NSD3: variants seen among roughly 807,000 people sequenced by gnomAD.
The protein encoded by NSD3 is histone-lysine N-methyltransferase NSD3.
A neutral mutation model predicts 160.8 loss-of-function variants in NSD3; 24 were observed. The ratio of observed to expected loss-of-function variants is 0.15; its 90% confidence interval spans 0.11 to 0.21. NSD3 has a LOEUF of 0.21. Among genes scored for constraint, NSD3 ranks in the 10% least tolerant of loss-of-function variants. The pLI is 1.00. For synonymous variants in NSD3, 520 were observed against 600.0 expected, an observed-to-expected ratio of 0.87 and a Z score of 1.95; for missense variants, 1,157 against 1,735.9, an observed-to-expected ratio of 0.67 and a Z score of 5.93.
chr8:38,322,321 A>G (rs913146044), intron 7 of NSD3, among the ~76,000 whole-genome samples: 3 of 152,158 alleles, frequency 2.0e-5, no homozygotes, highest in African/African-American at 7.2e-5. Flanking sequence ...ATTTATAGTA[A>G]TCACAAATAA....
At chr8:38,330,695 T>C (rs1261950391) in intron 5 of NSD3, among the ~76,000 whole-genome samples, 1 of 152,228 alleles carries the variant, frequency 6.6e-6, no homozygotes, top group East Asian at 1.9e-4. Flanking sequence ...CAAAATTCTG[T>C]GATAAAATTT....
intron 1 of NSD3, among the ~76,000 whole-genome samples, chr8:38,366,418 CTTT>C (rs374656504): frequency 4.5e-5 from 6 of 132,122 alleles, no homozygotes; most frequent in Admixed American, 1.6e-4. Context: ...CTACTTAATT[CTTT>C]TTTTTTTTTT....
rs542244422 is a variant in NSD3 at position 38,338,996 on chromosome 8, C to A, written c.676-389G>T. ...CTCTACTAAAAATTAAAAAAATAGC[C>A]GGGCATGGTGGCGCATGCCTGTAGT... On this transcript the variant is annotated intron_variant, in intron 2 of 23. Transcript: ENST00000317025. Among the ~76,000 whole-genome samples, 10 of 151,836 alleles carry A rather than the reference C, an allele frequency of 6.6e-5. 1 individual carries two copies. Among genetic ancestry groups the A allele is most frequent in the African/African-American group, 2.4e-4 (10 of 41,300 alleles).
chr8:38,335,033 G>C (rs1046820069), intron 4 of NSD3, among the ~76,000 whole-genome samples: 1 of 144,982 alleles, frequency 6.9e-6, no homozygotes, highest in African/African-American at 2.6e-5. Context: ...CACCCAGACT[G>C]GAGTGAAGTG....
chr8:38,307,325 C>T (rs1809433045), intron 12 of NSD3, among the ~76,000 whole-genome samples: 1 of 151,816 alleles, frequency 6.6e-6, no homozygotes, highest in African/African-American at 2.4e-5. Context: ...ATTGGGACTA[C>T]AGTGATAATA....
At chr8:38,362,163 A>T (rs2150390851) in intron 1 of NSD3, among the ~76,000 whole-genome samples, 1 of 149,530 alleles carries the variant, frequency 6.7e-6, no homozygotes, top group African/African-American at 2.5e-5. Flanking sequence ...ACATGAAACT[A>T]GTTCATCCTT....
chr8:38,304,273 A>T (rs993533846), intron 14 of NSD3, among the ~76,000 whole-genome samples: 2 of 152,262 alleles, frequency 1.3e-5, no homozygotes, highest in African/African-American at 4.8e-5. Flanking sequence ...AGTTGTTTGC[A>T]GAAGGGAAAA....
At chr8:38,299,700 G>T in intron 14 of NSD3, 110 bp from the exon 15 acceptor site, 1 of 1,110,852 alleles carries the variant, frequency 9.0e-7, no homozygotes, top group Non-Finnish European at 1.2e-6. Flanking sequence ...GGGTGGGGAG[G>T]GCGAAAATGA....
Position 38,379,129 on chromosome 8 carries a change from A to G in NSD3, c.-45+2670T>C, listed in dbSNP as rs1811476169. On this transcript the variant is annotated intron_variant, in intron 1 of 23. Coordinates refer to ENST00000317025, the MANE Select transcript of NSD3 (RefSeq NM_023034.2). ...AAAAAAGAAAAAAAAAAGCCAACAC[A>G]GGTAACAGGTGGGCTGATGGACATA... is the stretch of plus-strand genomic sequence containing the variant. Among the ~76,000 whole-genome samples the G allele has an allele frequency of 2.0e-5, 3 of 151,946 alleles. No individual in the cohort carries two copies. In the South Asian group the frequency reaches 6.2e-4, roughly 32 times the overall value.
At chr8:38,331,003 C>T (rs1309860585) in intron 5 of NSD3, among the ~76,000 whole-genome samples, 1 of 152,100 alleles carries the variant, frequency 6.6e-6, no homozygotes, top group Non-Finnish European at 1.5e-5. Flanking sequence ...TAAAAGCATA[C>T]CTGTTTCACA....
chr8:38,353,050 C>T (rs997189025), intron 1 of NSD3, among the ~76,000 whole-genome samples: 7 of 152,172 alleles, frequency 4.6e-5, no homozygotes, highest in Non-Finnish European at 1.0e-4. Context: ...CAACAACATT[C>T]ATGTAGCTAT....
intron 4 of NSD3, among the ~76,000 whole-genome samples, chr8:38,334,951 T>G (rs1810176040): frequency 6.6e-6 from 1 of 151,424 alleles, no homozygotes; most frequent in African/African-American, 2.4e-5. Context: ...AGCACTAAAG[T>G]AGGAAACTGC....
chr8:38,281,513 G>C lies in NSD3; in HGVS notation c.3572C>G (p.Ala1191Gly). ...AAAATTAGTTACACTGTTCTCGTGGGCTCGCTTGATTCGCAATCTGCATTC... is the reference window on the plus strand; with the variant it reads ...AAAATTAGTTACACTGTTCTCGTGGCCTCGCTTGATTCGCAATCTGCATTC... ...EEECRLRIKR[A>G]HENSVTNFYM... Residue 1191 changes from alanine to glycine, a missense_variant, in exon 20 of 24, where the codon GCC becomes GGC. Physicochemically the swap from Ala to Gly is moderately conservative, Grantham distance 60. Transcript: ENST00000317025. The C allele has an allele frequency of 1.2e-6, 2 of 1,603,150 alleles. No homozygotes were observed. Among genetic ancestry groups the C allele is most frequent in the Non-Finnish European group, 1.7e-6 (2 of 1,174,380 alleles).
At chr8:38,299,901 G>T (rs938040094) in intron 14 of NSD3, 8 of 222,100 alleles carry the variant, frequency 3.6e-5, no homozygotes, top group African/African-American at 6.8e-5. Context: ...AAGCTACACT[G>T]CTTCGTATTT....
At chr8:38,377,594 C>T (rs905948305) in intron 1 of NSD3, among the ~76,000 whole-genome samples, 2 of 152,162 alleles carry the variant, frequency 1.3e-5, no homozygotes, top group Admixed American at 1.3e-4. Context: ...AGCAATCCGC[C>T]CGCCTCAGCC....
At chr8:38,291,209 G>A (rs980576862) in intron 16 of NSD3, among the ~76,000 whole-genome samples, 4 of 152,166 alleles carry the variant, frequency 2.6e-5, no homozygotes, top group African/African-American at 9.7e-5. Context: ...TTGTATTTCA[G>A]AATCTAATTC....
At chr8:38,375,600 GATA>G (rs1048062220) in intron 1 of NSD3, among the ~76,000 whole-genome samples, 5 of 152,068 alleles carry the variant, frequency 3.3e-5, no homozygotes, top group Admixed American at 3.3e-4. Context: ...AAAAAGGTTA[GATA>G]ATGTTAGTAT....
intron 15 of NSD3, among the ~76,000 whole-genome samples, chr8:38,298,832 A>AATTATCCAT (rs1232302751): frequency 2.0e-5 from 3 of 152,214 alleles, no homozygotes; most frequent in Non-Finnish European, 4.4e-5. Context: ...CTGTGTGGAT[A>AATTATCCAT]ATTATCCATC....
At chr8:38,278,558 T>G (rs1808666191) in intron 21 of NSD3, 146 bp from the exon 22 acceptor site, 1 of 627,150 alleles carries the variant, frequency 1.6e-6, no homozygotes, top group Non-Finnish European at 2.7e-6. Flanking sequence ...TTGATAACAG[T>G]GATGGTAAAA....
Sources: gnomAD v4.1 joint callset for allele counts (sites outside exome capture counted in the v4.1 genomes callset) on GRCh38, gnomAD v4.1.1 for gene constraint, MANE v1.5 for transcripts, NCBI Gene and HGNC (gene_info 2026-07-23, HGNC 2026-07-21) for gene names.